NDUFAF6: variants seen among roughly 807,000 people sequenced by gnomAD.
NDUFAF6 encodes the protein NADH dehydrogenase (ubiquinone) complex I, assembly factor 6.
Under a neutral mutation model 40.8 loss-of-function variants are expected in NDUFAF6, and 45 were observed. The ratio of observed to expected loss-of-function variants is 1.10; its 90% confidence interval spans 0.87 to 1.42. NDUFAF6 has a LOEUF of 1.42. Among genes scored for constraint, NDUFAF6 ranks in the 40% most tolerant of loss-of-function variants. The pLI is 0.00. For missense variants in NDUFAF6, 435 were observed against 418.5 expected (o/e 1.04, Z -0.34); for synonymous variants, 185 against 155.9 (o/e 1.19, Z -1.39).
intron 1 of NDUFAF6, among the ~76,000 whole-genome samples, chr8:94,914,734 T>C (rs1440192114): frequency 6.6e-6 from 1 of 151,744 alleles, no homozygotes; most frequent in Non-Finnish European, 1.5e-5. Context: ...CTGGACAACA[T>C]GGTGAAACCC....
chr8:95,050,732 G>A (rs1419825842), intron 7 of NDUFAF6, among the ~76,000 whole-genome samples: 1 of 152,150 alleles, frequency 6.6e-6, no homozygotes, highest in African/African-American at 2.4e-5. Flanking sequence ...GATCAGTTAG[G>A]AGACTTAGGA....
At chr8:94,964,252 A>G (rs2131497003) in intron 1 of NDUFAF6, among the ~76,000 whole-genome samples, 1 of 152,110 alleles carries the variant, frequency 6.6e-6, no homozygotes, top group Middle Eastern at 3.4e-3. Context: ...ACATAGGGAG[A>G]CCCCATCTCT....
At chr8:95,111,375 C>T (rs1437441348) in intron 4 of NDUFAF6, among the ~76,000 whole-genome samples, 2 of 152,210 alleles carry the variant, frequency 1.3e-5, no homozygotes, top group African/African-American at 4.8e-5. Flanking sequence ...TATTCAAATC[C>T]TTACTGACAT....
At chr8:95,049,667 G>A (rs911827209) in intron 7 of NDUFAF6, among the ~76,000 whole-genome samples, 2 of 151,852 alleles carry the variant, frequency 1.3e-5, no homozygotes, top group Admixed American at 1.3e-4. Flanking sequence ...TTCTTCCCCT[G>A]TACCCCACCT....
intron 4 of NDUFAF6, among the ~76,000 whole-genome samples, chr8:95,042,176 G>A (rs1366319483): frequency 2.6e-5 from 4 of 152,160 alleles, no homozygotes; most frequent in Non-Finnish European, 4.4e-5. Context: ...TCCAGTGAAT[G>A]GAATCCTGTA....
chr8:94,903,108 A>G (rs983314102), intron 1 of NDUFAF6, among the ~76,000 whole-genome samples: 1 of 152,140 alleles, frequency 6.6e-6, no homozygotes, highest in African/African-American at 2.4e-5. Flanking sequence ...AGTGGCTCAC[A>G]CTTATAATCC....
chr8:94,978,753 A>G (rs768347362), intron 1 of NDUFAF6, among the ~76,000 whole-genome samples: 8 of 152,108 alleles, frequency 5.3e-5, no homozygotes, highest in Non-Finnish European at 7.4e-5. Context: ...ATAGGTAAAC[A>G]TAAGTGTTTC....
upstream of NDUFAF6, among the ~76,000 whole-genome samples, chr8:94,953,489 G>C (rs80321898): frequency 0.033 from 5,091 of 152,300 alleles, 152 homozygotes; most frequent in African/African-American, 0.079. Context: ...GAGGCGCACT[G>C]TGTGGGGCAG....
intron 1 of NDUFAF6, among the ~76,000 whole-genome samples, chr8:94,902,773 G>A (rs1818112724): frequency 6.9e-6 from 1 of 144,744 alleles, no homozygotes; most frequent in African/African-American, 2.6e-5. Flanking sequence ...TCAGCTCACT[G>A]CAACCTCCGG....
At chr8:94,947,931 A>G (rs1158283669) in intron 2 of NDUFAF6, among the ~76,000 whole-genome samples, 1 of 152,250 alleles carries the variant, frequency 6.6e-6, no homozygotes, top group Non-Finnish European at 1.5e-5. Flanking sequence ...TGCTTTTCAC[A>G]TCTGCAAATG....
intron 4 of NDUFAF6, among the ~76,000 whole-genome samples, chr8:95,113,016 C>T (rs1037145251): frequency 2.0e-5 from 3 of 152,198 alleles, no homozygotes. Context: ...TGTTAATTCT[C>T]ACTGTATACC....
chr8:94,957,148 G>A (rs1245035777), upstream of NDUFAF6, among the ~76,000 whole-genome samples: 2 of 152,144 alleles, frequency 1.3e-5, no homozygotes, highest in African/African-American at 4.8e-5. Context: ...CTCCAGTCTG[G>A]ACGACAATGT....
At chr8:94,976,501 CAAAAAA>C (rs35323204) in intron 1 of NDUFAF6, among the ~76,000 whole-genome samples, 16,715 of 91,850 alleles carry the variant, frequency 0.18, 1,293 homozygotes, top group Middle Eastern at 0.33. Flanking sequence ...CACTCCATCT[CAAAAAA>C]AAAAAAAAAA....
At chr8:95,022,560 A>G (rs1320995834), upstream of NDUFAF6, among the ~76,000 whole-genome samples, 1 of 149,192 alleles carries the variant, frequency 6.7e-6, no homozygotes, top group Admixed American at 6.8e-5. Context: ...AAAAAGTTAG[A>G]TTCATACCTT....
chr8:95,100,821 CTTTG>C (rs996021058), intron 1 of NDUFAF6, among the ~76,000 whole-genome samples: 11 of 152,170 alleles, frequency 7.2e-5, no homozygotes, highest in African/African-American at 2.4e-4. Context: ...GTGCCTATTA[CTTTG>C]TTTGTTCTTT....
upstream of NDUFAF6, among the ~76,000 whole-genome samples, chr8:94,957,262 C>T (rs1823164600): frequency 6.6e-6 from 1 of 152,054 alleles, no homozygotes; most frequent in African/African-American, 2.4e-5. Flanking sequence ...AGTTCCAGGG[C>T]AATTGAATAT....
At chr8:95,004,230 A>G (rs968727241) in intron 2 of NDUFAF6, among the ~76,000 whole-genome samples, 3 of 151,576 alleles carry the variant, frequency 2.0e-5, no homozygotes, top group African/African-American at 7.3e-5. Flanking sequence ...CTTCATGACT[A>G]TAGCTCCTAA....
At chr8:94,913,909 A>C (rs1283321917) in intron 1 of NDUFAF6, among the ~76,000 whole-genome samples, 2 of 152,090 alleles carry the variant, frequency 1.3e-5, no homozygotes, top group Non-Finnish European at 2.9e-5. Context: ...CTCCTGCCTC[A>C]GCCTCCTGAG....
At chr8:94,898,558 T>C (rs903091724) in intron 1 of NDUFAF6, among the ~76,000 whole-genome samples, 4 of 152,220 alleles carry the variant, frequency 2.6e-5, no homozygotes, top group Admixed American at 2.6e-4. Flanking sequence ...GATTTATTAC[T>C]GTTGATGTTG....
Sources: allele counts gnomAD v4.1 joint callset (sites outside exome capture counted in the v4.1 genomes callset), GRCh38; gene constraint gnomAD v4.1.1; transcripts MANE v1.5; gene names NCBI Gene and HGNC (gene_info 2026-07-23, HGNC 2026-07-21).